NUMB: variants seen among roughly 807,000 people sequenced by gnomAD.
The protein encoded by NUMB is NUMB endocytic adaptor protein, also known as protein numb homolog.
Under a neutral mutation model 59.7 loss-of-function variants are expected in NUMB, and 29 were observed. The ratio of observed to expected loss-of-function variants is 0.49; its 90% CI spans 0.36 to 0.66. NUMB has a LOEUF of 0.66. Among genes scored for constraint, NUMB ranks in the 30% least tolerant of loss-of-function variants. The pLI is 0.00. For synonymous variants in NUMB, 288 were observed against 288.2 expected, an observed-to-expected ratio of 1.00 and a Z score of 0.01; for missense variants, 723 against 822.0, an observed-to-expected ratio of 0.88 and a Z score of 1.47.
intron 4 of NUMB, among the ~76,000 whole-genome samples, chr14:73,333,138 A>G (rs561084240): frequency 1.3e-5 from 2 of 152,318 alleles, no homozygotes; most frequent in East Asian, 3.9e-4. Flanking sequence ...TTCTATACTT[A>G]GCTTTTTGAA....
chr14:73,387,414 A>C lies in NUMB; in HGVS notation c.-100-20433T>G, dbSNP rs1169573651. Among the ~76,000 whole-genome samples the C allele has an allele frequency of 2.0e-5, 3 of 152,206 alleles. No individual in the cohort carries two copies. In the East Asian group the frequency reaches 5.8e-4, roughly 29 times the overall value. On this transcript the variant is annotated intron_variant, in intron 2 of 12. Transcript: ENST00000555238. ...ATCTCCTTTAGGGGTAGAGAAAAGGATAAGAAAGGATATTGAAGTGCTACA... is the reference window on the plus strand; with the variant it reads ...ATCTCCTTTAGGGGTAGAGAAAAGGCTAAGAAAGGATATTGAAGTGCTACA...
chr14:73,333,157 A>G (rs893460492), intron 4 of NUMB, among the ~76,000 whole-genome samples: 5 of 152,178 alleles, frequency 3.3e-5, no homozygotes, highest in African/African-American at 1.2e-4. Flanking sequence ...AAGTACCACC[A>G]ATCTGCTTTT....
rs149008485 is a variant in NUMB, at chr14:73,400,923, G to A, written c.-101+9014C>T. On this transcript the variant is annotated intron_variant, in intron 2 of 12. Transcript: ENST00000555238. Reference sequence around the variant, plus strand: ...TTATGATAACCCAATAAATGTAAATGAAGTGTTTCCCTGAGTTCTGTGAGC... The same window carrying A: ...TTATGATAACCCAATAAATGTAAATAAAGTGTTTCCCTGAGTTCTGTGAGC... 5.1e-3 allele frequency among the ~76,000 whole-genome samples: 781 copies of A among 152,276 alleles called. 7 individuals carry two copies. The highest frequency in any genetic ancestry group is 6.2e-3 in the Non-Finnish European group (420 of 68,020).
intron 1 of NUMB, among the ~76,000 whole-genome samples, chr14:73,430,577 T>C (rs1264628763): frequency 6.6e-6 from 1 of 151,912 alleles, no homozygotes; most frequent in Non-Finnish European, 1.5e-5. Flanking sequence ...GAGGCTGCAG[T>C]GAGCCATGAT....
chr14:73,370,417 C>G (rs1017661358), intron 2 of NUMB, among the ~76,000 whole-genome samples: 1 of 152,190 alleles, frequency 6.6e-6, no homozygotes, highest in Non-Finnish European at 1.5e-5. Flanking sequence ...TCTCGCCAGG[C>G]GTGGTGGCTC....
chr14:73,411,319 G>A (rs772549533), intron 1 of NUMB, among the ~76,000 whole-genome samples: 26 of 149,984 alleles, frequency 1.7e-4, no homozygotes, highest in Non-Finnish European at 2.8e-4. Context: ...TTTTGTAGTC[G>A]TAGGATGAGT....
At chr14:73,385,781 C>T (rs1594974354) in intron 2 of NUMB, among the ~76,000 whole-genome samples, 1 of 152,094 alleles carries the variant, frequency 6.6e-6, no homozygotes, top group Non-Finnish European at 1.5e-5. Flanking sequence ...GGATTACAGG[C>T]ATGAGCCATC....
intron 4 of NUMB, among the ~76,000 whole-genome samples, chr14:73,328,274 CAA>C (rs199628671): frequency 2.3e-5 from 3 of 130,716 alleles, no homozygotes; most frequent in African/African-American, 3.1e-5. Context: ...GACTCCATCT[CAA>C]AAAAAAAAAA....
chr14:73,377,988 T>C (rs1233847036), intron 2 of NUMB, among the ~76,000 whole-genome samples: 1 of 106,076 alleles, frequency 9.4e-6, no homozygotes, highest in African/African-American at 4.4e-5. Context: ...GATATATATA[T>C]ACACATACAC....
chr14:73,364,924 C>T (rs999540698), intron 3 of NUMB, among the ~76,000 whole-genome samples: 1 of 151,860 alleles, frequency 6.6e-6, no homozygotes. Context: ...TACTGAAAGT[C>T]CTAAATAACA....
chr14:73,381,012 T>G (rs892868321), intron 2 of NUMB, among the ~76,000 whole-genome samples: 1 of 152,180 alleles, frequency 6.6e-6, no homozygotes. Context: ...CATGAGCCAC[T>G]GCACCCGACC....
chr14:73,302,312 G>A (rs1890187116), intron 6 of NUMB, among the ~76,000 whole-genome samples: 1 of 151,804 alleles, frequency 6.6e-6, no homozygotes, highest in African/African-American at 2.4e-5. Flanking sequence ...ATTTAAGTCA[G>A]GTACTGAAAT....
intron 5 of NUMB, among the ~76,000 whole-genome samples, chr14:73,322,089 C>CAA (rs1290360635): frequency 2.0e-5 from 3 of 152,124 alleles, no homozygotes; most frequent in African/African-American, 7.2e-5. Flanking sequence ...CATTAGTAGT[C>CAA]AAACTTGTGG....
At chr14:73,449,232 T>C (rs1190523567) in intron 1 of NUMB, among the ~76,000 whole-genome samples, 2 of 152,158 alleles carry the variant, frequency 1.3e-5, no homozygotes, top group Admixed American at 1.3e-4. Flanking sequence ...GGAGAATGTG[T>C]GCAGGTTATA....
intron 7 of NUMB, among the ~76,000 whole-genome samples, chr14:73,296,915 C>T (rs1889813692): frequency 1.3e-5 from 2 of 152,020 alleles, no homozygotes; most frequent in African/African-American, 2.4e-5. Context: ...CACCTGTAAT[C>T]CCAGCACTTT....
intron 6 of NUMB, among the ~76,000 whole-genome samples, chr14:73,300,404 A>G (rs1164689194): frequency 1.3e-5 from 2 of 152,166 alleles, no homozygotes; most frequent in East Asian, 3.9e-4. Flanking sequence ...CTGTGAATTT[A>G]TGGTTTTAAT....
At chr14:73,304,587 T>A (rs369208350) in intron 6 of NUMB, among the ~76,000 whole-genome samples, 3 of 152,108 alleles carry the variant, frequency 2.0e-5, no homozygotes, top group African/African-American at 7.2e-5. Context: ...GGATTACAGA[T>A]GTGAGCCACT....
At chr14:73,377,630 C>T (rs1313075060) in intron 2 of NUMB, among the ~76,000 whole-genome samples, 2 of 151,794 alleles carry the variant, frequency 1.3e-5, no homozygotes, top group Admixed American at 6.6e-5. Flanking sequence ...ACAGAGACTC[C>T]GTCTCAAACA....
At chr14:73,367,774 C>CA (rs11463575) in intron 2 of NUMB, among the ~76,000 whole-genome samples, 55,435 of 111,654 alleles carry the variant, frequency 0.5, 13,895 homozygotes, top group African/African-American at 0.59. Context: ...GACCCTGTTT[C>CA]AAAAAAAAAA....
Sources: gnomAD v4.1 joint callset for allele counts (sites outside exome capture counted in the v4.1 genomes callset) on GRCh38, gnomAD v4.1.1 for gene constraint, MANE v1.5 for transcripts, NCBI Gene and HGNC (gene_info 2026-07-23, HGNC 2026-07-21) for gene names.